Variants in TAF4 observed in about 807,000 individuals in gnomAD.
TAF4 encodes the protein TATA-box binding protein associated factor 4.
A neutral mutation model predicts 90.3 loss-of-function variants in TAF4; 9 were observed. The observed-to-expected ratio is 0.10, with a 90% CI of 0.06 to 0.17. The LOEUF (loss-of-function observed/expected upper bound fraction) is 0.17, where lower values mean the gene tolerates loss of function less well. Ranked by LOEUF, TAF4 falls within the 10% of genes least tolerant of loss-of-function variation. TAF4 has a pLI of 1.00. For synonymous variants in TAF4, 818 were observed against 638.9 expected (o/e 1.28, Z -4.23); for missense variants, 1,351 against 1,370.7 (o/e 0.99, Z 0.23).
rs1217818429 is a variant in TAF4, at chr20:61,979,564, C to T, written c.3091-3229G>A. On this transcript the variant is annotated intron_variant, in intron 14 of 14. Transcript: ENST00000252996. ...CGCCATGGCCACTCCAGAGGGACTG[C>T]GGCCCATGCAGGCGCGACGGCCTCT... Among the ~76,000 whole-genome samples, 5 of 140,456 alleles carry T rather than the reference C, an allele frequency of 3.6e-5. 1 individual carries two copies. The highest frequency in any genetic ancestry group is 6.1e-5 in the Non-Finnish European group (4 of 65,490). 92.1% of individuals were successfully genotyped at this position (140,456 alleles called of 152,430 possible).
chr20:62,062,368 C>T (rs1237312133), intron 1 of TAF4, among the ~76,000 whole-genome samples: 2 of 151,780 alleles, frequency 1.3e-5, no homozygotes, highest in Non-Finnish European at 2.9e-5. Context: ...AAAGAAGGTA[C>T]TCTGGTTTGG....
chr20:61,987,188 G>A (rs1364305995), intron 14 of TAF4, among the ~76,000 whole-genome samples: 1 of 152,132 alleles, frequency 6.6e-6, no homozygotes, highest in Non-Finnish European at 1.5e-5. Context: ...CAGCCTGGAC[G>A]TCATCACGAG....
At chr20:61,988,564 A>C (rs1318144552) in intron 14 of TAF4, among the ~76,000 whole-genome samples, 1 of 152,232 alleles carries the variant, frequency 6.6e-6, no homozygotes, top group Non-Finnish European at 1.5e-5. Flanking sequence ...CTTACCCTTA[A>C]GAGGTATCCT....
At chr20:61,985,679 C>T (rs538968832) in intron 14 of TAF4, among the ~76,000 whole-genome samples, 82 of 150,938 alleles carry the variant, frequency 5.4e-4, no homozygotes, top group African/African-American at 1.9e-3. Context: ...ATGTAAGGCA[C>T]GAGGGAAGCT....
Position 62,043,679 on chromosome 20 carries a change from T to G in TAF4, c.1360+20772A>C, listed in dbSNP as rs2055976529. Reference sequence around the variant, plus strand: ...CTTTTCTATGTTTAGATACACAAACTCACTATCGTGTTACAACTGTACACG... The same window carrying G: ...CTTTTCTATGTTTAGATACACAAACGCACTATCGTGTTACAACTGTACACG... On this transcript the variant is annotated intron_variant, in intron 1 of 14. Transcript: ENST00000252996. Among the ~76,000 whole-genome samples, 6 of 152,258 alleles carry G rather than the reference T, an allele frequency of 3.9e-5. 1 individual carries two copies. The South Asian group carries it at 1.2e-3, about 32-fold the overall frequency.
chr20:61,976,426 C>G, intron 14 of TAF4, 91 bp from the exon 15 acceptor site: 1 of 1,457,160 alleles, frequency 6.9e-7, no homozygotes, highest in Non-Finnish European at 9.5e-7. Context: ...TACCCCGATT[C>G]CAGAGGAGGC....
In TAF4 at chr20:62,064,851, C is replaced by T. The variant is rs944616060; in HGVS notation, c.960G>A (p.Gly320=). 5.2e-6 allele frequency: 5 copies of T among 966,814 alleles called. No homozygotes were observed. The highest frequency in any genetic ancestry group is 6.1e-6 in the Non-Finnish European group (5 of 818,230). The allele number at this position is 966,814 out of a possible 1,614,324, so 59.9% of individuals were successfully genotyped here. ...GTTGGCCGCTGACCCCCGCGGGGCC[C>T]CCGGCGGCCGGGGCGGGGGCGGGGG... ...GAAPAPAPAA[G]GPAGVSGQPG... Residue 320 remains glycine (G), a synonymous_variant, in exon 1 of 15, where the codon GGG becomes GGA. Transcript: ENST00000252996.
At chr20:62,050,126 A>C (rs560156778) in intron 1 of TAF4, among the ~76,000 whole-genome samples, 2 of 152,316 alleles carry the variant, frequency 1.3e-5, no homozygotes, top group South Asian at 2.1e-4. Context: ...AGATGAGGCC[A>C]CAACAGTCAA....
chr20:62,058,948 G>A (rs1298289069), intron 1 of TAF4, among the ~76,000 whole-genome samples: 2 of 112,544 alleles, frequency 1.8e-5, no homozygotes, highest in Admixed American at 1.8e-4. Flanking sequence ...CAGGAAGGAC[G>A]GACACAGGTC....
intron 4 of TAF4, 35 bp from the exon 5 acceptor site, chr20:62,009,209 T>A (rs774614943): frequency 1.9e-6 from 3 of 1,577,028 alleles, no homozygotes; most frequent in African/African-American, 2.7e-5. Context: ...GTGAAAAATC[T>A]TAAAAGGCAG....
chr20:62,014,609 T>C lies in TAF4; in HGVS notation c.1459A>G (p.Thr487Ala). 2 of 1,614,012 alleles carry C rather than the reference T, an allele frequency of 1.2e-6. No individual in the cohort carries two copies. The highest frequency in any genetic ancestry group is 1.7e-6 in the Non-Finnish European group (2 of 1,179,972). ...QAQAHAQPQT[T>A]MAPRPATPTS... is the part of the protein sequence containing the mutation. The stretch of plus-strand genomic sequence containing the variant: ...GGGGTGGCAGGGCGAGGCGCCATGG[T>C]GGTCTGAGGCTGGGCATGGGCCTGC... Residue 487 changes from threonine (T) to alanine (A), a missense_variant, in exon 2 of 15, where the codon ACC becomes GCC. Coordinates refer to ENST00000252996, the MANE Select transcript of TAF4 (RefSeq NM_003185.4).
At chr20:62,046,504 C>G (rs2055994099) in intron 1 of TAF4, among the ~76,000 whole-genome samples, 1 of 152,230 alleles carries the variant, frequency 6.6e-6, no homozygotes, top group African/African-American at 2.4e-5. Context: ...TTTGTAGATT[C>G]ACTGTATTGC....
chr20:61,977,142 CCA>C (rs924791720), intron 14 of TAF4, among the ~76,000 whole-genome samples: 1 of 148,526 alleles, frequency 6.7e-6, no homozygotes, highest in Non-Finnish European at 1.5e-5. Context: ...GGGGCACGCG[CCA>C]CACACACGAC....
intron 1 of TAF4, chr20:62,064,201 A>G: frequency 2.5e-6 from 1 of 400,490 alleles, no homozygotes; most frequent in Non-Finnish European, 4.3e-6. Context: ...GACCAGCCCC[A>G]GGCACAGGCA....
At chr20:62,056,243 A>G (rs900905623) in intron 1 of TAF4, among the ~76,000 whole-genome samples, 3 of 152,218 alleles carry the variant, frequency 2.0e-5, no homozygotes, top group Non-Finnish European at 2.9e-5. Flanking sequence ...TCTCGAAAAA[A>G]AAGAAAAAAA....
At chr20:62,018,009 G>A (rs920759397) in intron 1 of TAF4, among the ~76,000 whole-genome samples, 1 of 151,952 alleles carries the variant, frequency 6.6e-6, no homozygotes, top group Non-Finnish European at 1.5e-5. Flanking sequence ...CCCTGTGGTC[G>A]GGCCCAGTGT....
intron 12 of TAF4, 99 bp from the exon 13 acceptor site, chr20:61,998,291 T>A: frequency 7.9e-7 from 1 of 1,268,180 alleles, no homozygotes; most frequent in Non-Finnish European, 1.1e-6. Flanking sequence ...AACATCTAGG[T>A]AATGTTAAAG....
In TAF4 at chr20:61,976,746, G is replaced by A. The variant is rs141467871; in HGVS notation, c.3091-411C>T. ...CACTAGGTCTGTGTGTGTCATCCCC[G>A]CTTGGCTGCTGAATTCCTGCACTGG... On this transcript the variant is annotated intron_variant, in intron 14 of 14. Transcript: ENST00000252996. Among the ~76,000 whole-genome samples, 21 of 152,332 alleles carry A rather than the reference G, an allele frequency of 1.4e-4. 1 individual carries two copies. The highest frequency in any genetic ancestry group is 4.8e-4 in the African/African-American group (20 of 41,580).
intron 1 of TAF4, among the ~76,000 whole-genome samples, chr20:62,060,791 C>G (rs1468153546): frequency 6.6e-6 from 1 of 152,208 alleles, no homozygotes; most frequent in African/African-American, 2.4e-5. Context: ...AACCACCGCC[C>G]CAGGGTGACC....
Sources: gnomAD v4.1 joint callset for allele counts (sites outside exome capture counted in the v4.1 genomes callset) on GRCh38, gnomAD v4.1.1 for gene constraint, MANE v1.5 for transcripts, NCBI Gene and HGNC (gene_info 2026-07-23, HGNC 2026-07-21) for gene names.